The following EML6 variants were observed in gnomAD, a reference collection of about 807,000 sequenced individuals.
EML6 encodes EMAP like 6, also known as echinoderm microtubule-associated protein-like 6.
EML6 carries 154 observed loss-of-function variants against 240.1 expected under a neutral mutation model. That is an observed-to-expected ratio of 0.64 (90% CI 0.56 to 0.73). EML6 has a LOEUF of 0.73. EML6 is among the 30% of genes least tolerant of loss of function. EML6 has a pLI of 0.00. For synonymous variants in EML6, 1,148 were observed against 899.0 expected (o/e 1.28, Z -4.95); for missense variants, 2,964 against 2,474.6 (o/e 1.20, Z -4.20).
chr2:54,735,320 A>G (rs1016115878), intron 2 of EML6, among the ~76,000 whole-genome samples: 1 of 152,212 alleles, frequency 6.6e-6, no homozygotes, highest in African/African-American at 2.4e-5. Flanking sequence ...GCACCTTGTC[A>G]TGGGCATAGT....
Position 54,844,166 on chromosome 2 carries a change from C to T in EML6, c.967C>T (p.His323Tyr). ...RDKPMLILQG[H>Y]CEGELWALAL... ...CAAGCCGATGTTGATCCTACAGGGC[C>T]ACTGCGAGGGTGAGCTCTGGGCTCT... Residue 323 changes from histidine (H) to tyrosine (Y), a missense_variant, in exon 8 of 42, where the codon CAC becomes TAC. Coordinates refer to ENST00000356458, the MANE Select transcript of EML6 (RefSeq NM_001039753.4). The T allele has an allele frequency of 6.4e-7, 1 of 1,551,694 alleles. No homozygotes were observed. The highest frequency in any genetic ancestry group is 8.7e-7 in the Non-Finnish European group (1 of 1,146,982).
At chr2:54,843,842 C>G (rs1379938653) in intron 7 of EML6, among the ~76,000 whole-genome samples, 2 of 36,710 alleles carry the variant, frequency 5.4e-5, no homozygotes, top group African/African-American at 8.2e-5. Flanking sequence ...AAGACTCCAT[C>G]TCAAAAAAAA....
At position 54,924,469 on chromosome 2, in the gene EML6, T is replaced by C. The variant is rs143121991; in HGVS notation, c.3676-3844T>C. Among the ~76,000 whole-genome samples the C allele has an allele frequency of 4.1e-3, 625 of 152,336 alleles. 4 individuals are homozygous for C. Among genetic ancestry groups the C allele is most frequent in the African/African-American group, 0.01 (431 of 41,588 alleles). ...CTGTGTATTTCTTGAGTTCTCTATT[T>C]CTTCAATCAGATTGAAGAAATAGGT... On this transcript the variant is annotated intron_variant, in intron 26 of 41. Coordinates refer to ENST00000356458, the MANE Select transcript of EML6 (RefSeq NM_001039753.4).
At chr2:54,886,157 C>CTTTTTTTTTTTTT (rs1558650389) in intron 17 of EML6, among the ~76,000 whole-genome samples, 1 of 115,236 alleles carries the variant, frequency 8.7e-6, no homozygotes, top group Non-Finnish European at 1.8e-5. Flanking sequence ...TTTTTTTAAC[C>CTTTTTTTTTTTTT]TTCTTTTTTT....
intron 37 of EML6, 89 bp from the exon 38 acceptor site, chr2:54,964,482 C>A: frequency 7.8e-7 from 1 of 1,287,936 alleles, no homozygotes; most frequent in Non-Finnish European, 1.1e-6. Context: ...GCCTTTAGGC[C>A]TGGAAGGCCT....
intron 2 of EML6, among the ~76,000 whole-genome samples, chr2:54,805,949 A>G (rs1251226684): frequency 6.6e-6 from 1 of 152,126 alleles, no homozygotes; most frequent in African/African-American, 2.4e-5. Flanking sequence ...GCTGGAAATG[A>G]GTTGATCATA....
intron 17 of EML6, among the ~76,000 whole-genome samples, chr2:54,884,648 G>C (rs1044995987): frequency 1.3e-5 from 2 of 152,196 alleles, no homozygotes; most frequent in Non-Finnish European, 2.9e-5. Context: ...GAGAATTGAA[G>C]ACCACATATG....
intron 11 of EML6, among the ~76,000 whole-genome samples, chr2:54,855,587 C>A (rs755691755): frequency 3.3e-5 from 5 of 151,660 alleles, no homozygotes; most frequent in Non-Finnish European, 7.4e-5. Flanking sequence ...TAAAAAACAG[C>A]TCTTTGGATA....
intron 2 of EML6, among the ~76,000 whole-genome samples, chr2:54,789,325 A>G (rs1302528487): frequency 6.6e-6 from 1 of 151,810 alleles, no homozygotes; most frequent in African/African-American, 2.4e-5. Flanking sequence ...CATCCTGGCT[A>G]ACACGGTGAA....
intron 2 of EML6, among the ~76,000 whole-genome samples, chr2:54,773,346 C>T (rs958135440): frequency 2.2e-4 from 34 of 152,364 alleles, no homozygotes; most frequent in African/African-American, 6.7e-4. Flanking sequence ...TTCAGAACTG[C>T]GTTCCCTGAG....
intron 9 of EML6, among the ~76,000 whole-genome samples, chr2:54,849,195 A>G (rs965214496): frequency 2.6e-5 from 4 of 152,252 alleles, no homozygotes; most frequent in Non-Finnish European, 4.4e-5. Flanking sequence ...AATTGAATAC[A>G]TTCATATAAT....
chr2:54,879,411 G>T (rs1038287647), intron 16 of EML6, 136 bp from the exon 17 acceptor site: 4 of 644,170 alleles, frequency 6.2e-6, no homozygotes, highest in Non-Finnish European at 1.1e-5. Context: ...GTATAATCAA[G>T]TCAGGGCAGC....
At chr2:54,890,007 A>G (rs1345256260) in intron 17 of EML6, among the ~76,000 whole-genome samples, 2 of 152,262 alleles carry the variant, frequency 1.3e-5, no homozygotes, top group Non-Finnish European at 2.9e-5. Flanking sequence ...GACAAAGTAC[A>G]GGGAAATACA....
intron 2 of EML6, among the ~76,000 whole-genome samples, chr2:54,743,640 G>A (rs1683762426): frequency 6.6e-6 from 1 of 152,122 alleles, no homozygotes; most frequent in Admixed American, 6.5e-5. Context: ...GAAGCCCATA[G>A]TGAAAAATGT....
intron 24 of EML6, among the ~76,000 whole-genome samples, chr2:54,908,146 G>A (rs1673446582): frequency 6.7e-6 from 1 of 149,806 alleles, no homozygotes; most frequent in Non-Finnish European, 1.5e-5. Context: ...TAGCTTTTTG[G>A]TTTGGTTTTT....
chr2:54,795,392 C>A (rs939658746), intron 2 of EML6, among the ~76,000 whole-genome samples: 1 of 152,110 alleles, frequency 6.6e-6, no homozygotes, highest in Admixed American at 6.5e-5. Context: ...GGGAAATCTG[C>A]CCCCATTATC....
chr2:54,927,469 T>TATTC (rs1674615669), intron 26 of EML6, among the ~76,000 whole-genome samples: 2 of 152,218 alleles, frequency 1.3e-5, no homozygotes, highest in African/African-American at 2.4e-5. Context: ...TTCTGTAAGG[T>TATTC]ATTCCCTCGG....
intron 2 of EML6, among the ~76,000 whole-genome samples, chr2:54,749,281 A>G (rs1684049020): frequency 6.6e-6 from 1 of 152,218 alleles, no homozygotes; most frequent in African/African-American, 2.4e-5. Flanking sequence ...GGTCTCTTTC[A>G]TGGTAAATGC....
chr2:54,788,211 A>C (rs765772076), intron 2 of EML6, among the ~76,000 whole-genome samples: 12 of 152,214 alleles, frequency 7.9e-5, no homozygotes, highest in African/African-American at 2.7e-4. Flanking sequence ...GGTTGAGCAC[A>C]TAGGTTCCAG....
Sources: allele counts gnomAD v4.1 joint callset (sites outside exome capture counted in the v4.1 genomes callset), GRCh38; gene constraint gnomAD v4.1.1; transcripts MANE v1.5; gene names NCBI Gene and HGNC (gene_info 2026-07-23, HGNC 2026-07-21).